HIPK2: variants seen among roughly 807,000 people sequenced by gnomAD.
HIPK2 encodes homeodomain-interacting protein kinase 2.
A neutral mutation model predicts 113.7 loss-of-function variants in HIPK2; 27 were observed. That is an observed-to-expected ratio of 0.24 (90% CI 0.17 to 0.33). HIPK2 has a LOEUF of 0.33. HIPK2 is among the 10% of genes least tolerant of loss of function. The pLI is 1.00. For synonymous variants in HIPK2, 631 were observed against 642.2 expected (o/e 0.98, Z 0.26); for missense variants, 1,257 against 1,588.0 (o/e 0.79, Z 3.54).
At chr7:139,581,098 T>C (rs1027545968) in intron 13 of HIPK2, among the ~76,000 whole-genome samples, 3 of 152,138 alleles carry the variant, frequency 2.0e-5, no homozygotes, top group African/African-American at 7.2e-5. Context: ...TGCATGCCGG[T>C]AGTCCCAGCT....
At position 139,613,891 on chromosome 7, in the gene HIPK2, G is replaced by A. The variant is rs1799925437; in HGVS notation, c.1990+395C>T. Among the ~76,000 whole-genome samples, 1 of 152,220 alleles carries A rather than the reference G, an allele frequency of 6.6e-6. No individual in the cohort carries two copies. The highest frequency in any genetic ancestry group is 1.9e-4 in the East Asian group (1 of 5,190). ...TCAGACTGATGGATATTCTTCATGGGAGCTGGGACTATGTCGGCTGTCAGA... is the reference window on the plus strand; with the variant it reads ...TCAGACTGATGGATATTCTTCATGGAAGCTGGGACTATGTCGGCTGTCAGA... On this transcript the variant is annotated intron_variant, in intron 8 of 14. Transcript: ENST00000406875. This position sits in a 1 kb window ranked among gnomAD's most constrained non-coding sequence, Gnocchi z 4.2.
intron 2 of HIPK2, among the ~76,000 whole-genome samples, chr7:139,665,979 C>G (rs1301110362): frequency 6.9e-6 from 1 of 145,252 alleles, no homozygotes; most frequent in Non-Finnish European, 1.5e-5. Flanking sequence ...AAACACTGAG[C>G]TGCCCAGATG....
At chr7:139,611,677 G>A (rs1799831288) in intron 9 of HIPK2, among the ~76,000 whole-genome samples, 1 of 152,078 alleles carries the variant, frequency 6.6e-6, no homozygotes, top group African/African-American at 2.4e-5. Flanking sequence ...GTGTATCTGG[G>A]ACTGCAGGCA....
intron 1 of HIPK2, among the ~76,000 whole-genome samples, chr7:139,733,547 C>T (rs1795853327): frequency 6.6e-6 from 1 of 152,152 alleles, no homozygotes; most frequent in African/African-American, 2.4e-5. Context: ...GAGAACACTC[C>T]TGATATATGT....
chr7:139,725,220 T>C (rs1329073678), intron 1 of HIPK2, among the ~76,000 whole-genome samples: 1 of 152,142 alleles, frequency 6.6e-6, no homozygotes, highest in African/African-American at 2.4e-5. Flanking sequence ...CATAAACAAC[T>C]TGCCAAAGTA....
intron 2 of HIPK2, among the ~76,000 whole-genome samples, chr7:139,652,060 C>G (rs533712891): frequency 6.6e-6 from 1 of 152,316 alleles, no homozygotes; most frequent in South Asian, 2.1e-4. Context: ...CCTTTATTGG[C>G]CTTCTCCCAA....
At chr7:139,648,166 G>C (rs1801310017) in intron 2 of HIPK2, among the ~76,000 whole-genome samples, 1 of 152,116 alleles carries the variant, frequency 6.6e-6, no homozygotes, top group African/African-American at 2.4e-5. Flanking sequence ...CTTTTCATTT[G>C]GCCTCAAAAG....
At chr7:139,638,590 C>T (rs886155780) in intron 2 of HIPK2, among the ~76,000 whole-genome samples, 10 of 151,964 alleles carry the variant, frequency 6.6e-5, no homozygotes, top group Non-Finnish European at 1.0e-4. Flanking sequence ...GGACTCATTC[C>T]TTTCCAACAT....
rs762140683 is a variant in HIPK2 at position 139,575,189 on chromosome 7, G to A, written c.3065C>T (p.Thr1022Ile). ...HSSGSSSGAI[T>I]YRQQRPGPHF... ...GGGGCCCGGCCGCTGCTGCCGGTAG[G>A]TGATGGCTCCAGATGAGCTCCCTGA... is the stretch of plus-strand genomic sequence containing the variant. Residue 1022 changes from threonine (T) to isoleucine (I), a missense_variant, in exon 14 of 15, where the codon ACC becomes ATC. Physicochemically the swap from Thr to Ile is moderately conservative, Grantham distance 89. Around this residue, in one of 5 missense-constraint regions of HIPK2, gnomAD observed 862 missense variants for 1,004.3 expected, o/e 0.86. Transcript: ENST00000406875. 4.4e-6 allele frequency: 7 copies of A among 1,590,810 alleles called. No individual in the cohort carries two copies. The highest frequency in any genetic ancestry group is 2.3e-5 in the East Asian group (1 of 43,978).
chr7:139,669,835 A>T (rs1173741922), intron 2 of HIPK2, among the ~76,000 whole-genome samples: 1 of 152,172 alleles, frequency 6.6e-6, no homozygotes, highest in Non-Finnish European at 1.5e-5. Flanking sequence ...AAATATAAAG[A>T]GCTATTGATG....
chr7:139,717,991 G>A (rs1795298807), intron 1 of HIPK2, among the ~76,000 whole-genome samples: 2 of 152,050 alleles, frequency 1.3e-5, no homozygotes, highest in East Asian at 1.9e-4. Flanking sequence ...TGATCCACCC[G>A]CCTCAGCCTC....
intron 7 of HIPK2, among the ~76,000 whole-genome samples, chr7:139,617,417 T>C (rs980786400): frequency 2.0e-5 from 3 of 152,206 alleles, no homozygotes; most frequent in African/African-American, 7.2e-5. Flanking sequence ...AAGAAGTGAT[T>C]CCTGGAAGCA....
At chr7:139,591,017 A>G (rs900053715) in intron 12 of HIPK2, among the ~76,000 whole-genome samples, 1 of 152,038 alleles carries the variant, frequency 6.6e-6, no homozygotes, top group Non-Finnish European at 1.5e-5. Flanking sequence ...GGGAATTTAA[A>G]AAAATTTTTT....
chr7:139,635,119 G>A (rs1051238262), intron 2 of HIPK2, among the ~76,000 whole-genome samples: 1 of 152,192 alleles, frequency 6.6e-6, no homozygotes, highest in African/African-American at 2.4e-5. Flanking sequence ...CTCTTCATGG[G>A]AGGAGAGTTT....
At chr7:139,608,857 G>A (rs1471812076) in intron 9 of HIPK2, among the ~76,000 whole-genome samples, 6 of 152,116 alleles carry the variant, frequency 3.9e-5, no homozygotes, top group African/African-American at 9.7e-5. Context: ...TTTGTATTTC[G>A]AACAGTTTAA....
At chr7:139,635,024 A>G (rs1298176896) in intron 2 of HIPK2, among the ~76,000 whole-genome samples, 1 of 152,176 alleles carries the variant, frequency 6.6e-6, no homozygotes, top group Non-Finnish European at 1.5e-5. Flanking sequence ...AAAAAGTATT[A>G]TGGTGTCAGA....
At chr7:139,727,199 T>A (rs1040026882) in intron 1 of HIPK2, among the ~76,000 whole-genome samples, 1 of 151,998 alleles carries the variant, frequency 6.6e-6, no homozygotes, top group Non-Finnish European at 1.5e-5. Flanking sequence ...TGTCAAATAG[T>A]ATGAGGAGGA....
intron 1 of HIPK2, among the ~76,000 whole-genome samples, chr7:139,756,590 A>T (rs1442332306): frequency 4.6e-5 from 7 of 152,096 alleles, no homozygotes; most frequent in Admixed American, 4.6e-4. Context: ...ATGCCTGGCT[A>T]ATTTTTGTAC....
intron 1 of HIPK2, among the ~76,000 whole-genome samples, chr7:139,738,397 T>C (rs956179305): frequency 6.6e-6 from 1 of 152,234 alleles, no homozygotes; most frequent in Non-Finnish European, 1.5e-5. Context: ...CAGCCACACA[T>C]GTGTCTATGC....
Sources: allele counts gnomAD v4.1 joint callset (sites outside exome capture counted in the v4.1 genomes callset), GRCh38; gene constraint gnomAD v4.1.1; regional missense constraint gnomAD v4.1.1; non-coding constraint Gnocchi (gnomAD v3.1); transcripts MANE v1.5; gene names NCBI Gene and HGNC (gene_info 2026-07-23, HGNC 2026-07-21).